CADM2: variants seen among roughly 807,000 people sequenced by gnomAD.
CADM2 encodes immunoglobulin superfamily member 4D.
CADM2 carries 12 observed loss-of-function variants against 49.8 expected under a neutral mutation model. That is an observed-to-expected ratio of 0.24 (90% confidence interval 0.15 to 0.39). CADM2 has a LOEUF of 0.39. CADM2 is among the 10% of genes least tolerant of loss of function. The pLI is 1.00. For missense variants in CADM2, 378 were observed against 492.3 expected, an observed-to-expected ratio of 0.77 and a Z score of 2.20; for synonymous variants, 214 against 175.4, an observed-to-expected ratio of 1.22 and a Z score of -1.74.
At chr3:85,806,188 G>A (rs1220688562) in intron 3 of CADM2, among the ~76,000 whole-genome samples, 2 of 145,388 alleles carry the variant, frequency 1.4e-5, no homozygotes, top group African/African-American at 5.0e-5. Context: ...GGGAGGGAGG[G>A]AGGAAGGAAG....
intron 1 of CADM2, among the ~76,000 whole-genome samples, chr3:85,443,389 A>G (rs185871818): frequency 9.2e-5 from 14 of 152,230 alleles, no homozygotes; most frequent in Admixed American, 7.2e-4. Flanking sequence ...TGGAACAGCT[A>G]TTGTATAACC....
At chr3:85,225,408 T>C (rs2042135941) in intron 1 of CADM2, among the ~76,000 whole-genome samples, 1 of 152,208 alleles carries the variant, frequency 6.6e-6, no homozygotes. Context: ...TGTTAGTGTG[T>C]TACTGGTGTA....
intron 1 of CADM2, among the ~76,000 whole-genome samples, chr3:85,439,320 A>G (rs963706025): frequency 6.6e-6 from 1 of 151,480 alleles, no homozygotes; most frequent in African/African-American, 2.4e-5. Context: ...CTCCTGGCTA[A>G]TTTTGTGTTT....
chr3:85,059,345 C>G (rs2036213775), intron 1 of CADM2, among the ~76,000 whole-genome samples: 1 of 151,332 alleles, frequency 6.6e-6, no homozygotes, highest in Non-Finnish European at 1.5e-5. Context: ...ATGCATTTCT[C>G]TAAAGTCTTA....
chr3:85,122,352 G>A (rs2038893079), intron 1 of CADM2, among the ~76,000 whole-genome samples: 1 of 152,078 alleles, frequency 6.6e-6, no homozygotes, highest in African/African-American at 2.4e-5. Context: ...ATTCACTCAA[G>A]TTACTGGACC....
At chr3:85,479,120 A>G (rs1277538010) in intron 1 of CADM2, among the ~76,000 whole-genome samples, 1 of 151,574 alleles carries the variant, frequency 6.6e-6, no homozygotes, top group African/African-American at 2.4e-5. Flanking sequence ...AATTTTTATT[A>G]TTTATTTTTG....
intron 3 of CADM2, among the ~76,000 whole-genome samples, chr3:85,819,537 T>A (rs1448037945): frequency 6.6e-6 from 1 of 152,174 alleles, no homozygotes; most frequent in Non-Finnish European, 1.5e-5. Flanking sequence ...TTTTGAGTAG[T>A]CATGCAATTG....
intron 2 of CADM2, among the ~76,000 whole-genome samples, chr3:85,743,369 G>A (rs2068473695): frequency 6.6e-6 from 1 of 152,080 alleles, no homozygotes; most frequent in Non-Finnish European, 1.5e-5. Context: ...CTTTTCACAG[G>A]CAACAGAAAA....
At chr3:85,091,865 C>T (rs2107525090) in intron 1 of CADM2, among the ~76,000 whole-genome samples, 1 of 152,158 alleles carries the variant, frequency 6.6e-6, no homozygotes, top group Middle Eastern at 3.4e-3. Context: ...CACTGAGTCA[C>T]ATATAATAAG....
intron 1 of CADM2, among the ~76,000 whole-genome samples, chr3:85,688,276 T>A (rs191875753): frequency 6.6e-6 from 1 of 152,146 alleles, no homozygotes; most frequent in East Asian, 1.9e-4. Flanking sequence ...ACATCTACCC[T>A]TTTTGAAAAT....
chr3:85,768,711 TAC>T (rs1266242960), intron 2 of CADM2, among the ~76,000 whole-genome samples: 1 of 144,954 alleles, frequency 6.9e-6, no homozygotes, highest in African/African-American at 2.5e-5. Context: ...TATACACATA[TAC>T]ACACATATAG....
chr3:85,944,913 G>T (rs1369753373), intron 7 of CADM2, among the ~76,000 whole-genome samples: 5 of 151,940 alleles, frequency 3.3e-5, no homozygotes, highest in African/African-American at 4.8e-5. Context: ...CAGAAGGCAA[G>T]AAATAACTAA....
chr3:85,833,173 A>G (rs918613155), intron 3 of CADM2, among the ~76,000 whole-genome samples: 2 of 151,878 alleles, frequency 1.3e-5, no homozygotes, highest in South Asian at 2.1e-4. Context: ...AGCTTACTTA[A>G]TCGTGGCGAA....
intron 1 of CADM2, among the ~76,000 whole-genome samples, chr3:85,442,549 A>C (rs2107546179): frequency 1.3e-5 from 2 of 148,392 alleles, no homozygotes; most frequent in South Asian, 4.2e-4. Context: ...AATTTAAAAT[A>C]AAAGTCCACA....
intron 1 of CADM2, among the ~76,000 whole-genome samples, chr3:85,342,432 C>T (rs1178310608): frequency 2.0e-5 from 3 of 151,942 alleles, no homozygotes; most frequent in African/African-American, 7.2e-5. Flanking sequence ...ATGATTTATA[C>T]ATAATTTCAA....
At chr3:85,065,446 C>A (rs2036494591) in intron 1 of CADM2, among the ~76,000 whole-genome samples, 1 of 151,776 alleles carries the variant, frequency 6.6e-6, no homozygotes, top group Non-Finnish European at 1.5e-5. Flanking sequence ...TTCTGGTTCC[C>A]AGATTTCTCA....
intron 8 of CADM2, among the ~76,000 whole-genome samples, chr3:86,029,828 T>G (rs1305879523): frequency 1.3e-5 from 2 of 152,032 alleles, no homozygotes; most frequent in Non-Finnish European, 2.9e-5. Context: ...TAAATTGTTA[T>G]ATGAGTCATC....
At chr3:85,101,856 C>G (rs79833934) in intron 1 of CADM2, among the ~76,000 whole-genome samples, 3 of 152,006 alleles carry the variant, frequency 2.0e-5, no homozygotes, top group African/African-American at 4.8e-5. Context: ...TACTTAAGAA[C>G]GTAGATGAAA....
chr3:86,068,019 T>A lies in CADM2; in HGVS notation c.*1236T>A, dbSNP rs1468982089. Reference sequence around the variant, plus strand: ...TTTTAGTTTGCTAAAAATTTACAAATTTTCATTTTGCAGTTCCAGAGCTGC... The same window carrying A: ...TTTTAGTTTGCTAAAAATTTACAAAATTTCATTTTGCAGTTCCAGAGCTGC... On this transcript the variant is annotated 3_prime_UTR_variant, in exon 10 of 10. Transcript: ENST00000383699. 6.6e-6 allele frequency: 1 copy of A among 152,430 alleles called. No homozygotes were observed. Among genetic ancestry groups the A allele is most frequent in the Admixed American group, 6.5e-5 (1 of 15,270 alleles). 9.4% of individuals were successfully genotyped at this position (152,430 alleles called of 1,614,324 possible).
Sources: allele counts gnomAD v4.1 joint callset (sites outside exome capture counted in the v4.1 genomes callset), GRCh38; gene constraint gnomAD v4.1.1; transcripts MANE v1.5; gene names NCBI Gene and HGNC (gene_info 2026-07-23, HGNC 2026-07-21).